The following FSIP1 variants were observed in gnomAD, a reference collection of about 807,000 sequenced individuals.
FSIP1 encodes the protein fibrous sheath-interacting protein 1.
FSIP1 carries 65 observed loss-of-function variants against 60.9 expected under a neutral mutation model. That is an observed-to-expected ratio of 1.07 (90% CI 0.87 to 1.31). The LOEUF is 1.31. Among genes scored for constraint, FSIP1 ranks in the 40% most tolerant of loss-of-function variants. FSIP1 has a pLI of 0.00. For missense variants in FSIP1, 675 were observed against 665.5 expected (o/e 1.01, Z -0.16); for synonymous variants, 209 against 221.2 (o/e 0.94, Z 0.49).
At chr15:39,675,112 A>G (rs1893886966) in intron 10 of FSIP1, among the ~76,000 whole-genome samples, 1 of 152,212 alleles carries the variant, frequency 6.6e-6, no homozygotes. Flanking sequence ...ATTAGTGATC[A>G]GGGAAATGCA....
chr15:39,683,466 A>G (rs1359030169), intron 10 of FSIP1, among the ~76,000 whole-genome samples: 10 of 152,186 alleles, frequency 6.6e-5, no homozygotes, highest in Admixed American at 3.9e-4. Context: ...GTCTAACATA[A>G]TACTTAATGG....
chr15:39,751,418 A>AACACAC (rs3065153), intron 5 of FSIP1, among the ~76,000 whole-genome samples: 380 of 144,858 alleles, frequency 2.6e-3, no homozygotes, highest in African/African-American at 6.8e-3. Context: ...GTAATACATA[A>AACACAC]ACACACACAC....
chr15:39,673,401 A>T (rs1893796197), intron 10 of FSIP1, among the ~76,000 whole-genome samples: 1 of 152,054 alleles, frequency 6.6e-6, no homozygotes, highest in South Asian at 2.1e-4. Flanking sequence ...GCAGCCTCAA[A>T]CTCCTGGGCT....
At chr15:39,671,777 C>G (rs1402763461) in intron 10 of FSIP1, among the ~76,000 whole-genome samples, 1 of 152,114 alleles carries the variant, frequency 6.6e-6, no homozygotes, top group Admixed American at 6.5e-5. Context: ...TCATGAAGCC[C>G]ACGTATCTAA....
intron 9 of FSIP1, among the ~76,000 whole-genome samples, chr15:39,724,378 A>G (rs141170649): frequency 0.016 from 2,488 of 151,974 alleles, 59 homozygotes; most frequent in African/African-American, 0.054. Context: ...CAGCCTCCCA[A>G]GTAGCTGGGA....
intron 10 of FSIP1, among the ~76,000 whole-genome samples, chr15:39,687,620 T>C (rs1206757133): frequency 6.6e-6 from 1 of 152,230 alleles, no homozygotes; most frequent in Non-Finnish European, 1.5e-5. Context: ...TGTAACTCTC[T>C]GTCTACATGA....
chr15:39,682,453 C>G (rs889111690), intron 10 of FSIP1, among the ~76,000 whole-genome samples: 1 of 152,174 alleles, frequency 6.6e-6, no homozygotes. Flanking sequence ...TGTGTTTTCA[C>G]AGAAAAGCAG....
intron 9 of FSIP1, among the ~76,000 whole-genome samples, chr15:39,722,151 T>C (rs1326530793): frequency 1.3e-5 from 2 of 152,058 alleles, no homozygotes; most frequent in Admixed American, 1.3e-4. Flanking sequence ...CTCACAGTAG[T>C]GTGAACCCTA....
rs538898433 is a variant in FSIP1 at position 39,755,443 on chromosome 15, C to G, written c.559+8378G>C. Among the ~76,000 whole-genome samples, 8 of 152,204 alleles carry G rather than the reference C, an allele frequency of 5.3e-5. No homozygotes were observed. In the South Asian group the frequency reaches 1.7e-3, roughly 32 times the overall value. The stretch of plus-strand genomic sequence containing the variant: ...CTCTGGAAAGGAAGACCAACCAAGA[C>G]AGTGAAGGTCTTGCAGAAGATGGGA... On this transcript the variant is annotated intron_variant, in intron 5 of 11. Coordinates refer to ENST00000350221, the MANE Select transcript of FSIP1 (RefSeq NM_152597.5).
At chr15:39,729,650 T>C (rs920755911) in intron 8 of FSIP1, among the ~76,000 whole-genome samples, 1 of 152,046 alleles carries the variant, frequency 6.6e-6, no homozygotes, top group Non-Finnish European at 1.5e-5. Flanking sequence ...TAAATGCCTT[T>C]CAATAGACTG....
intron 10 of FSIP1, among the ~76,000 whole-genome samples, chr15:39,664,585 C>T (rs1170226233): frequency 6.6e-6 from 1 of 152,132 alleles, no homozygotes; most frequent in Non-Finnish European, 1.5e-5. Flanking sequence ...GCTCTTCTCT[C>T]CTTCAACCAC....
intron 8 of FSIP1, among the ~76,000 whole-genome samples, chr15:39,729,388 A>T (rs1482832196): frequency 6.6e-6 from 1 of 152,246 alleles, no homozygotes; most frequent in East Asian, 1.9e-4. Flanking sequence ...CCTGAGCAAC[A>T]TGACAAAACC....
intron 10 of FSIP1, among the ~76,000 whole-genome samples, chr15:39,639,857 T>C (rs73393235): frequency 6.6e-6 from 1 of 152,164 alleles, no homozygotes; most frequent in African/African-American, 2.4e-5. Flanking sequence ...ATAAGCAGAG[T>C]AACTTAGTTA....
intron 10 of FSIP1, among the ~76,000 whole-genome samples, chr15:39,658,316 G>A (rs897428882): frequency 2.1e-5 from 3 of 143,960 alleles, no homozygotes; most frequent in Non-Finnish European, 3.0e-5. Flanking sequence ...ATAGTGGCGC[G>A]ATCTCAGCTC....
At chr15:39,766,540 A>C (rs932776546) in intron 3 of FSIP1, among the ~76,000 whole-genome samples, 1 of 152,222 alleles carries the variant, frequency 6.6e-6, no homozygotes, top group African/African-American at 2.4e-5. Context: ...TTTTTAACTG[A>C]GTTACACGTA....
rs578163830 is a variant in FSIP1 at position 39,648,714 on chromosome 15, C to T, written c.1189-30469G>A. ...GTGTGATGTAATTGGTAGTTTGGGG[C>T]CTATCAGGGAGACTTCTTGGGAAAG... On this transcript the variant is annotated intron_variant, in intron 10 of 11. Coordinates refer to ENST00000350221, the MANE Select transcript of FSIP1 (RefSeq NM_152597.5). Among the ~76,000 whole-genome samples the T allele has an allele frequency of 2.6e-5, 4 of 152,162 alleles. No homozygotes were observed. In the South Asian group the frequency reaches 6.2e-4, roughly 24 times the overall value.
At chr15:39,652,491 T>C (rs1208540412) in intron 10 of FSIP1, among the ~76,000 whole-genome samples, 1 of 152,236 alleles carries the variant, frequency 6.6e-6, no homozygotes, top group Non-Finnish European at 1.5e-5. Context: ...AAAAATTTGC[T>C]ATAGATTTTG....
At chr15:39,647,625 T>C (rs1163172732) in intron 10 of FSIP1, among the ~76,000 whole-genome samples, 6 of 152,144 alleles carry the variant, frequency 3.9e-5, no homozygotes, top group South Asian at 2.1e-4. Context: ...ATTTTGGTGT[T>C]TTCTAACAGT....
intron 8 of FSIP1, among the ~76,000 whole-genome samples, chr15:39,734,053 G>A (rs1224845951): frequency 6.6e-6 from 1 of 152,096 alleles, no homozygotes; most frequent in African/African-American, 2.4e-5. Flanking sequence ...GGTGAAAAGA[G>A]CCTACAAGGT....
Sources: allele counts gnomAD v4.1 joint callset (sites outside exome capture counted in the v4.1 genomes callset), GRCh38; gene constraint gnomAD v4.1.1; transcripts MANE v1.5; gene names NCBI Gene and HGNC (gene_info 2026-07-23, HGNC 2026-07-21).